CDC37: variants seen among roughly 807,000 people sequenced by gnomAD.
The protein encoded by CDC37 is cell division cycle 37, HSP90 cochaperone.
In CDC37, 9 loss-of-function variants were observed where a neutral mutation model predicts 46.9. The ratio of observed to expected loss-of-function variants is 0.19; its 90% CI spans 0.12 to 0.33. The LOEUF is 0.33. CDC37 is among the 10% of genes least tolerant of loss of function. The probability of loss-of-function intolerance (pLI) is 1.00; values close to 1 mark genes in which losing one functional copy is unlikely to be tolerated. For synonymous variants in CDC37, 193 were observed against 191.0 expected (o/e 1.01, Z -0.09); for missense variants, 388 against 514.6 (o/e 0.75, Z 2.38).
intron 5 of CDC37, among the ~76,000 whole-genome samples, chr19:10,394,020 G>A (rs545376059): frequency 6.6e-6 from 1 of 152,126 alleles, no homozygotes; most frequent in Non-Finnish European, 1.5e-5. Context: ...AACCCAGGAG[G>A]CGGAGGTTGC....
chr19:10,397,045 G>A lies in CDC37; in HGVS notation c.103-842C>T, dbSNP rs28382782. 3.6e-3 allele frequency among the ~76,000 whole-genome samples: 549 copies of A among 152,166 alleles called. 30 individuals carry two copies. In the East Asian group the frequency reaches 0.09, roughly 25 times the overall value. On this transcript the variant is annotated intron_variant, in intron 1 of 7. Transcript: ENST00000222005. ...ACCTTCCTGATGATGGCAACTTCCC[G>A]CTGCCCCTGTCTGGAATTCCCTGCC...
chr19:10,396,202 G>A lies in CDC37; in HGVS notation c.104C>T (p.Ala35Val). ...GAACTGCTCCATGCGTTCCACCCGG[G>A]CCTGCGGGCAGGGACGGCCTATCAA... ...TASLFRWRHQ[A>V]RVERMEQFQK... is the part of the protein sequence containing the mutation. Residue 35 changes from alanine (A) to valine (V), a missense_variant and splice_region_variant, in exon 2 of 8, where the codon GCC becomes GTC. Ala to Val is a moderately conservative substitution (Grantham distance 64). Transcript: ENST00000222005. This position sits in a 1 kb window ranked among gnomAD's most constrained non-coding sequence, Gnocchi z 5.9. 6.2e-7 allele frequency: 1 copy of A among 1,613,168 alleles called. No homozygotes were observed. Among genetic ancestry groups the A allele is most frequent in the Non-Finnish European group, 8.5e-7 (1 of 1,179,408 alleles).
In CDC37 at chr19:10,403,397, A is replaced by G; in HGVS notation, c.83T>C (p.Leu28Pro). The G allele has an allele frequency of 6.2e-7, 1 of 1,612,890 alleles. No individual in the cohort carries two copies. Among genetic ancestry groups the G allele is most frequent in the Non-Finnish European group, 8.5e-7 (1 of 1,179,770 alleles). The change falls in exon 1 of 8, where the codon CTC becomes CCC. Residue 28 changes from leucine to proline, a missense_variant. Leu to Pro is a moderately conservative substitution (Grantham distance 98). Coordinates refer to ENST00000222005, the MANE Select transcript of CDC37 (RefSeq NM_007065.4). The stretch of plus-strand genomic sequence containing the variant: ...CCTTACCTGATGCCGCCAGCGGAAG[A>G]GACTGGCCGTGTCGATGTTGGGGTG... ...ETHPNIDTAS[L>P]FRWRHQARVE...
In CDC37 at chr19:10,398,057, G is replaced by T. The variant is rs1311547256; in HGVS notation, c.103-1854C>A. On this transcript the variant is annotated intron_variant, in intron 1 of 7. Transcript: ENST00000222005. The surrounding 1 kb of genome is among the most constrained non-coding windows in gnomAD (Gnocchi z 4.2). ...TATCCAGAGCCACTAATCAAACCCT[G>T]AAACCCTGAAACGTGCCACCACCTT... Among the ~76,000 whole-genome samples, 1 of 152,052 alleles carries T rather than the reference G, an allele frequency of 6.6e-6. No individual in the cohort carries two copies. The highest frequency in any genetic ancestry group is 1.5e-5 in the Non-Finnish European group (1 of 68,018).
Position 10,391,437 on chromosome 19 carries a change from G to T in CDC37, c.*114C>A. On this transcript the variant is annotated 3_prime_UTR_variant, in exon 8 of 8. Coordinates refer to ENST00000222005, the MANE Select transcript of CDC37 (RefSeq NM_007065.4). ...GAGGGCTGGGCGGGCCCCCCAGGCT[G>T]GGCCGAGCAGCGCAAGTAGAGGAAG... is the stretch of plus-strand genomic sequence containing the variant. 1 of 1,345,340 alleles carries T rather than the reference G, an allele frequency of 7.4e-7. No individual in the cohort carries two copies. Among genetic ancestry groups the T allele is most frequent in the Non-Finnish European group, 1.1e-6 (1 of 942,742 alleles). The allele number at this position is 1,345,340 out of a possible 1,614,324, so 83.3% of individuals were successfully genotyped here.
chr19:10,402,372 G>A (rs1461694918), intron 1 of CDC37, among the ~76,000 whole-genome samples: 4 of 151,894 alleles, frequency 2.6e-5, no homozygotes, highest in Non-Finnish European at 5.9e-5. Flanking sequence ...AGAAGGGGTG[G>A]TGAATTTAGA....
intron 7 of CDC37, among the ~76,000 whole-genome samples, chr19:10,392,098 A>G (rs2042460449): frequency 6.6e-6 from 1 of 152,218 alleles, no homozygotes. Flanking sequence ...CACCGTACCC[A>G]GCTGGAAATT....
At chr19:10,395,876 G>A (rs952661336) in intron 2 of CDC37, 52 bp downstream of exon 2, 8 of 1,581,352 alleles carry the variant, frequency 5.1e-6, no homozygotes, top group African/African-American at 1.3e-5. Context: ...CGTCCTGGTT[G>A]CAGGCTCTCT....
In CDC37 at chr19:10,399,029, C is replaced by T. The variant is rs118003100; in HGVS notation, c.103-2826G>A. Among the ~76,000 whole-genome samples, 897 of 152,262 alleles carry T rather than the reference C, an allele frequency of 5.9e-3. 6 individuals carry two copies. Among genetic ancestry groups the T allele is most frequent in the Non-Finnish European group, 0.01 (689 of 68,024 alleles). ...TCCTTGTCACTGCCACCTGAATGGT[C>T]TGCTGACTCATTCCTGTGCCTTATC... is the stretch of plus-strand genomic sequence containing the variant. On this transcript the variant is annotated intron_variant, in intron 1 of 7. Coordinates refer to ENST00000222005, the MANE Select transcript of CDC37 (RefSeq NM_007065.4).
rs1169046585 is a variant in CDC37, at chr19:10,393,714, T to C, written c.727-273A>G. The C allele has an allele frequency of 4.9e-6, 2 of 411,988 alleles. No homozygotes were observed. The highest frequency in any genetic ancestry group is 4.1e-5 in the African/African-American group (2 of 48,914). The allele number at this position is 411,988 out of a possible 1,614,324, so 25.5% of individuals were successfully genotyped here. A position where few individuals can be genotyped will look rare whatever the true frequency, so the allele number is the denominator to read the frequency against. On this transcript the variant is annotated intron_variant, in intron 5 of 7. Coordinates refer to ENST00000222005, the MANE Select transcript of CDC37 (RefSeq NM_007065.4). The surrounding 1 kb of genome is among the most constrained non-coding windows in gnomAD (Gnocchi z 4.9). ...CTGCATGGGCACCTCTAACTCAACA[T>C]GGCCACCTCCCAGCCTGCCTTGTCC... is the stretch of plus-strand genomic sequence containing the variant.
At position 10,393,125 on chromosome 19, in the gene CDC37, C is replaced by T; in HGVS notation, c.942G>A (p.Val314=). 1.2e-6 allele frequency: 2 copies of T among 1,614,102 alleles called. No individual in the cohort carries two copies. Residue 314 remains valine (V), a synonymous_variant, in exon 7 of 8, where the codon GTG becomes GTA. Transcript: ENST00000222005. This position sits in a 1 kb window ranked among gnomAD's most constrained non-coding sequence, Gnocchi z 4.9. ...TGCTGATGGCGTCCTGCAGCATCTG[C>T]ACGTCCTTCACATCGAAGCACTTCT... ...ELQKCFDVKD[V]QMLQDAISKM... is the part of the protein sequence containing the mutation.
rs1203433381 is a variant in CDC37, at chr19:10,396,030, G to A, written c.276C>T (p.Arg92=). Residue 92 remains arginine, a synonymous_variant, in exon 2 of 8, where the codon CGC becomes CGT. Transcript: ENST00000222005. This position sits in a 1 kb window ranked among gnomAD's most constrained non-coding sequence, Gnocchi z 5.9. The part of the protein sequence containing the change: ...ERLQAEAQQL[R]KEERSWEQKL... ...TCTGCTCCCAGCTCCGCTCCTCCTTGCGCAGCTGCTGTGCCTCGGCCTGCA... is the reference window on the plus strand; with the variant it reads ...TCTGCTCCCAGCTCCGCTCCTCCTTACGCAGCTGCTGTGCCTCGGCCTGCA... The A allele has an allele frequency of 6.2e-7, 1 of 1,613,480 alleles. No homozygotes were observed. Among genetic ancestry groups the A allele is most frequent in the South Asian group, 1.1e-5 (1 of 91,076 alleles).
At chr19:10,397,254 G>C (rs565380241) in intron 1 of CDC37, among the ~76,000 whole-genome samples, 1 of 148,486 alleles carries the variant, frequency 6.7e-6, no homozygotes, top group African/African-American at 2.5e-5. Flanking sequence ...TTTTTTTTTT[G>C]TTTTTATTTT....
chr19:10,399,381 G>A (rs1387677569), intron 1 of CDC37, among the ~76,000 whole-genome samples: 2 of 144,794 alleles, frequency 1.4e-5, no homozygotes, highest in Non-Finnish European at 3.0e-5. Context: ...AGGCAGAATC[G>A]CTTGAACCCG....
chr19:10,395,582 C>G, intron 2 of CDC37, 39 bp from the exon 3 acceptor site: 1 of 1,514,186 alleles, frequency 6.6e-7, no homozygotes, highest in South Asian at 1.1e-5. Flanking sequence ...TGGGGCAAGG[C>G]TGCGGAGCGC....
rs372409066 is a variant in CDC37, at chr19:10,393,164, G to T, written c.910-7C>A. 3 of 1,613,688 alleles carry T rather than the reference G, an allele frequency of 1.9e-6. No homozygotes were observed. The highest frequency in any genetic ancestry group is 2.2e-5 in the East Asian group (1 of 44,866). ...CGAAGCACTTCTGGAGTTCCTGGGG[G>T]TACAGAGGGGCTGGGGTCAGGGGCT... is the stretch of plus-strand genomic sequence containing the variant. On this transcript the variant is annotated splice_region_variant and splice_polypyrimidine_tract_variant and intron_variant, in intron 6 of 7. Transcript: ENST00000222005. The surrounding 1 kb of genome is among the most constrained non-coding windows in gnomAD (Gnocchi z 4.9).
rs781661086 is a variant in CDC37, at chr19:10,391,710, TGAG to T, written c.982-7_982-5del. ...GCTGCATGTGGTACTTTGCGTCCTG[TGAG>T]GAGAAGGCAGGCAGATGAGGTGGGG... On this transcript the variant is annotated splice_region_variant and splice_polypyrimidine_tract_variant and intron_variant, in intron 7 of 7. Coordinates refer to ENST00000222005, the MANE Select transcript of CDC37 (RefSeq NM_007065.4). The T allele has an allele frequency of 6.8e-6, 11 of 1,610,864 alleles. No individual in the cohort carries two copies. Among genetic ancestry groups the T allele is most frequent in the African/African-American group, 5.3e-5 (4 of 74,942 alleles).
Position 10,395,301 on chromosome 19 carries a change from T to A in CDC37, c.530A>T (p.Asp177Val). ...RWDDSQKYLS[D>V]NVHLVCEETA... ...CTCCTCGCACACCAGGTGGACGTTG[T>A]CTGACAGGTACTTTTGGCTGTCATC... The change falls in exon 4 of 8, where the codon GAC becomes GTC. Residue 177 changes from aspartate to valine, a missense_variant. Physicochemically the swap from Asp to Val is radical, Grantham distance 152 (BLOSUM62 -3). Transcript: ENST00000222005. 6.2e-7 allele frequency: 1 copy of A among 1,614,208 alleles called. No individual in the cohort carries two copies. The highest frequency in any genetic ancestry group is 8.5e-7 in the Non-Finnish European group (1 of 1,180,026).
In CDC37 at chr19:10,395,967, G is replaced by A. The variant is rs146664369; in HGVS notation, c.339C>T (p.Pro113=). Residue 113 remains proline, a synonymous_variant, in exon 2 of 8, where the codon CCC becomes CCT. Coordinates refer to ENST00000222005, the MANE Select transcript of CDC37 (RefSeq NM_007065.4). ...CTTTGCTGAGCGTGTCCACGTTCCA[G>A]GGCATGCTCTTCTCCTTCTTGCGCA... ...EEMRKKEKSM[P]WNVDTLSKDG... is the part of the protein sequence containing the mutation. The A allele has an allele frequency of 8.4e-4, 1,210 of 1,437,592 alleles. 4 individuals carry two copies. The highest frequency in any genetic ancestry group is 1.0e-3 in the Non-Finnish European group (1,086 of 1,070,866). The allele number at this position is 1,437,592 out of a possible 1,614,324, so 89.1% of individuals were successfully genotyped here.
Sources: allele counts gnomAD v4.1 joint callset (sites outside exome capture counted in the v4.1 genomes callset), GRCh38; gene constraint gnomAD v4.1.1; non-coding constraint Gnocchi (gnomAD v3.1); transcripts MANE v1.5; gene names NCBI Gene and HGNC (gene_info 2026-07-23, HGNC 2026-07-21).